DLG2: variants seen among roughly 807,000 people sequenced by gnomAD.
DLG2 encodes disks large homolog 2.
In DLG2, 45 loss-of-function variants were observed where a neutral mutation model predicts 132.5. The observed-to-expected ratio is 0.34, with a 90% CI of 0.27 to 0.44. The LOEUF is 0.44. Among genes scored for constraint, DLG2 ranks in the 20% least tolerant of loss-of-function variants. DLG2 has a pLI of 1.00. For missense variants in DLG2, 1,045 were observed against 1,196.9 expected, an observed-to-expected ratio of 0.87 and a Z score of 1.87; for synonymous variants, 424 against 419.6, an observed-to-expected ratio of 1.01 and a Z score of -0.13.
At chr11:83,652,519 C>T (rs7125421) in intron 18 of DLG2, among the ~76,000 whole-genome samples, 16,492 of 152,022 alleles carry the variant, frequency 0.11, 2,108 homozygotes, top group African/African-American at 0.31. Flanking sequence ...TACAGGCGTG[C>T]ACCACCACAC....
intron 6 of DLG2, among the ~76,000 whole-genome samples, chr11:84,671,179 G>T (rs1224371337): frequency 6.6e-6 from 1 of 151,510 alleles, no homozygotes; most frequent in Non-Finnish European, 1.5e-5. Context: ...ACTGCAGCCT[G>T]CCTTGACCTC....
chr11:84,409,342 C>A (rs145490465), intron 7 of DLG2, among the ~76,000 whole-genome samples: 120 of 152,304 alleles, frequency 7.9e-4, no homozygotes, highest in African/African-American at 2.7e-3. Context: ...GCATGCAACC[C>A]TAATCAGCAG....
At chr11:84,655,421 G>C (rs2099686979) in intron 6 of DLG2, among the ~76,000 whole-genome samples, 1 of 152,156 alleles carries the variant, frequency 6.6e-6, no homozygotes, top group Non-Finnish European at 1.5e-5. Context: ...CGAGCCAAGA[G>C]TTAAATGTTT....
chr11:85,436,758 G>T (rs1050450479), intron 3 of DLG2, among the ~76,000 whole-genome samples: 1 of 152,096 alleles, frequency 6.6e-6, no homozygotes, highest in Non-Finnish European at 1.5e-5. Context: ...TTCCTCAAGG[G>T]TCTAGAACCA....
At chr11:84,509,182 T>A (rs1224759925) in intron 7 of DLG2, among the ~76,000 whole-genome samples, 3 of 152,206 alleles carry the variant, frequency 2.0e-5, no homozygotes, top group African/African-American at 7.2e-5. Context: ...ATATCATACA[T>A]TTGAAACTGT....
At chr11:84,417,433 TA>T (rs752720316) in intron 7 of DLG2, among the ~76,000 whole-genome samples, 1 of 152,100 alleles carries the variant, frequency 6.6e-6, no homozygotes. Context: ...CTCCTTGTAC[TA>T]AAGTCCATCT....
At chr11:85,130,613 C>T (rs2075617998) in intron 5 of DLG2, among the ~76,000 whole-genome samples, 1 of 152,134 alleles carries the variant, frequency 6.6e-6, no homozygotes, top group South Asian at 2.1e-4. Flanking sequence ...TCACATAAAG[C>T]TTCTGTAAAG....
Position 83,842,691 on chromosome 11 carries a change from C to A in DLG2, c.1566-8921G>T, listed in dbSNP as rs186806996. On this transcript the variant is annotated intron_variant, in intron 16 of 27. Transcript: ENST00000376104. ...ATTAGCCGGGCATGGTGGCGGGTGC[C>A]TGTAGCCCCAGGTACTCGGGAGGCT... Among the ~76,000 whole-genome samples the A allele has an allele frequency of 9.9e-3, 1,501 of 151,810 alleles. 25 individuals carry two copies. Among genetic ancestry groups the A allele is most frequent in the African/African-American group, 0.034 (1,400 of 41,388 alleles).
chr11:85,490,868 C>A (rs531363111), intron 3 of DLG2, among the ~76,000 whole-genome samples: 1 of 152,146 alleles, frequency 6.6e-6, no homozygotes, highest in South Asian at 2.1e-4. Context: ...AATACCAATC[C>A]TCCTGAAACT....
chr11:83,564,780 C>T lies in DLG2; in HGVS notation c.1941-22922G>A, dbSNP rs370806045. ...TAATGTCTTATAATGCCTCCCCATT[C>T]GTCATCATCATGATCATTATGCTGG... On this transcript the variant is annotated intron_variant, in intron 19 of 27. Transcript: ENST00000376104. 2.3e-4 allele frequency among the ~76,000 whole-genome samples: 35 copies of T among 152,252 alleles called. No homozygotes were observed. In the East Asian group the frequency reaches 3.7e-3, roughly 16 times the overall value.
At chr11:83,665,022 G>C (rs2075215627) in intron 18 of DLG2, among the ~76,000 whole-genome samples, 1 of 152,194 alleles carries the variant, frequency 6.6e-6, no homozygotes, top group Non-Finnish European at 1.5e-5. Context: ...TCAATAAATA[G>C]AAATGTAGCA....
intron 15 of DLG2, among the ~76,000 whole-genome samples, chr11:83,898,796 T>C (rs1224701128): frequency 4.6e-5 from 7 of 152,192 alleles, no homozygotes; most frequent in Admixed American, 3.9e-4. Flanking sequence ...CAAATATTTA[T>C]AGACTAATAA....
chr11:84,846,118 A>G (rs2081440346), intron 6 of DLG2, among the ~76,000 whole-genome samples: 1 of 151,994 alleles, frequency 6.6e-6, no homozygotes, highest in Non-Finnish European at 1.5e-5. Context: ...AGGTGATCTC[A>G]TCTAGAATCT....
intron 6 of DLG2, among the ~76,000 whole-genome samples, chr11:84,589,083 C>G (rs1326331670): frequency 6.6e-6 from 1 of 152,082 alleles, no homozygotes; most frequent in Non-Finnish European, 1.5e-5. Context: ...AAGTACTATT[C>G]TAGGTATCCT....
intron 6 of DLG2, among the ~76,000 whole-genome samples, chr11:84,963,046 A>G (rs1472124777): frequency 2.0e-5 from 3 of 152,306 alleles, no homozygotes; most frequent in South Asian, 2.1e-4. Context: ...GGCTCCCATA[A>G]TAACTTGCCA....
intron 7 of DLG2, among the ~76,000 whole-genome samples, chr11:84,517,058 T>TAAA (rs36091027): frequency 8.9e-6 from 1 of 112,276 alleles, no homozygotes; most frequent in Non-Finnish European, 1.8e-5. Context: ...TATTCTATCC[T>TAAA]AAAAAAAAAA....
intron 7 of DLG2, among the ~76,000 whole-genome samples, chr11:84,470,692 T>C (rs1425252650): frequency 6.6e-6 from 1 of 151,662 alleles, no homozygotes; most frequent in Non-Finnish European, 1.5e-5. Flanking sequence ...TATGCACAAA[T>C]AAATGCTTGC....
intron 7 of DLG2, among the ~76,000 whole-genome samples, chr11:84,457,737 C>T (rs1331837815): frequency 2.7e-5 from 4 of 150,704 alleles, no homozygotes; most frequent in South Asian, 2.1e-4. Context: ...TTTTTTCAAA[C>T]GAACTAAAGA....
chr11:84,902,202 T>A (rs917192987), intron 6 of DLG2, among the ~76,000 whole-genome samples: 4 of 152,136 alleles, frequency 2.6e-5, no homozygotes, highest in African/African-American at 9.7e-5. Context: ...GGCAACATAC[T>A]TGCTTACAGT....
Sources: gnomAD v4.1 joint callset for allele counts (sites outside exome capture counted in the v4.1 genomes callset) on GRCh38, gnomAD v4.1.1 for gene constraint, MANE v1.5 for transcripts, NCBI Gene and HGNC (gene_info 2026-07-23, HGNC 2026-07-21) for gene names.